The following NAV3 variants were observed in gnomAD, a reference collection of about 807,000 sequenced individuals.
NAV3 encodes the protein neuron navigator 3.
Under a neutral mutation model 244.7 loss-of-function variants are expected in NAV3, and 87 were observed. The observed-to-expected ratio is 0.36, with a 90% CI of 0.30 to 0.42. The LOEUF is 0.42. Among genes scored for constraint, NAV3 ranks in the 20% least tolerant of loss-of-function variants. NAV3 has a pLI of 1.00. For synonymous variants in NAV3, 1,126 were observed against 1,042.2 expected, an observed-to-expected ratio of 1.08 and a Z score of -1.55; for missense variants, 2,663 against 2,893.3, an observed-to-expected ratio of 0.92 and a Z score of 1.83.
chr12:78,092,060 A>C (rs1261226892), intron 12 of NAV3, among the ~76,000 whole-genome samples: 1 of 152,174 alleles, frequency 6.6e-6, no homozygotes, highest in African/African-American at 2.4e-5. Flanking sequence ...CGGTATTAGC[A>C]CTGAGGACAC....
chr12:78,078,375 C>CTTTTTTTTT (rs71088356), intron 12 of NAV3, among the ~76,000 whole-genome samples: 2 of 67,844 alleles, frequency 2.9e-5, no homozygotes, highest in African/African-American at 1.2e-4. Flanking sequence ...TCTTTCCACT[C>CTTTTTTTTT]TTTTTTTTTT....
intron 12 of NAV3, among the ~76,000 whole-genome samples, chr12:78,064,426 T>TCTGTCTGCCTGCCTGCCTGCCTGC (rs66686266): frequency 5.9e-5 from 8 of 136,292 alleles, no homozygotes; most frequent in African/African-American, 1.9e-4. Context: ...TGTCTGTCTG[T>TCTGTCTGCCTGCCTGCCTGCCTGC]CTGCCTGCCT....
At chr12:77,832,443 G>T (rs554542700) in intron 1 of NAV3, among the ~76,000 whole-genome samples, 1 of 152,024 alleles carries the variant, frequency 6.6e-6, no homozygotes, top group Non-Finnish European at 1.5e-5. Context: ...CTTGATAAGC[G>T]TCACTTTTGT....
At chr12:77,946,460 C>G (rs191615516) in intron 3 of NAV3, among the ~76,000 whole-genome samples, 7 of 152,062 alleles carry the variant, frequency 4.6e-5, no homozygotes, top group Admixed American at 4.6e-4. Context: ...TCATATTTAT[C>G]TTAAGTTTCA....
chr12:77,879,433 C>T (rs1024546482), intron 1 of NAV3, among the ~76,000 whole-genome samples: 1 of 151,928 alleles, frequency 6.6e-6, no homozygotes, highest in Non-Finnish European at 1.5e-5. Context: ...TTTGGGAGGT[C>T]CAGGCAGGTG....
intron 2 of NAV3, 101 bp from the exon 3 acceptor site, chr12:77,940,980 G>T: frequency 1.3e-6 from 1 of 762,458 alleles, no homozygotes; most frequent in Non-Finnish European, 2.2e-6. Flanking sequence ...GAGCATTTTT[G>T]CTTGGTATTT....
At chr12:78,194,769 T>G (rs1340873814) in intron 34 of NAV3, among the ~76,000 whole-genome samples, 3 of 152,034 alleles carry the variant, frequency 2.0e-5, no homozygotes, top group Admixed American at 6.6e-5. Flanking sequence ...TTTTCCTACA[T>G]GGATATCATA....
At chr12:77,858,214 A>G (rs1426929725) in intron 1 of NAV3, among the ~76,000 whole-genome samples, 1 of 152,070 alleles carries the variant, frequency 6.6e-6, no homozygotes, top group Non-Finnish European at 1.5e-5. Context: ...GTAAAGTACA[A>G]TATTTAAAAC....
At position 78,051,141 on chromosome 12, in the gene NAV3, A is replaced by C. The variant is rs755066867; in HGVS notation, c.2510A>C (p.Asn837Thr). 2 of 1,602,868 alleles carry C rather than the reference A, an allele frequency of 1.2e-6. No individual in the cohort carries two copies. The highest frequency in any genetic ancestry group is 2.2e-5 in the East Asian group (1 of 44,604). ...AAAAGTCTCAGGACTGATGACATCAACAGTGGGTAAGTAACCCTGTTCTCC... is the reference window on the plus strand; with the variant it reads ...AAAAGTCTCAGGACTGATGACATCACCAGTGGGTAAGTAACCCTGTTCTCC... Reference protein sequence around the residue: ...LGKSLRTDDINSGYMTDGGLN... With the variant: ...LGKSLRTDDITSGYMTDGGLN... The change falls in exon 11 of 40, where the codon AAC becomes ACC. Residue 837 changes from asparagine (N) to threonine (T), a missense_variant. Coordinates refer to ENST00000397909, the MANE Select transcript of NAV3 (RefSeq NM_001024383.2).
At chr12:77,994,374 G>T (rs1425402011) in intron 5 of NAV3, among the ~76,000 whole-genome samples, 2 of 152,204 alleles carry the variant, frequency 1.3e-5, no homozygotes, top group Non-Finnish European at 2.9e-5. Flanking sequence ...GTTTACTAAA[G>T]GAACTAATGA....
chr12:78,117,358 CAT>C (rs907172013), intron 13 of NAV3, among the ~76,000 whole-genome samples: 15 of 16,812 alleles, frequency 8.9e-4, no homozygotes, highest in African/African-American at 1.9e-3. Context: ...AAATATATAA[CAT>C]ATAATAGATA....
intron 7 of NAV3, among the ~76,000 whole-genome samples, chr12:77,999,912 T>A (rs994986133): frequency 6.6e-6 from 1 of 152,140 alleles, no homozygotes; most frequent in African/African-American, 2.4e-5. Context: ...GAAATAAAGA[T>A]GTGTTAAATA....
intron 3 of NAV3, among the ~76,000 whole-genome samples, chr12:77,952,637 A>G (rs1891008678): frequency 6.6e-6 from 1 of 152,138 alleles, no homozygotes; most frequent in Non-Finnish European, 1.5e-5. Context: ...GTTGATATCC[A>G]CAAAATAACT....
At chr12:78,171,735 A>C (rs1958008281) in intron 24 of NAV3, among the ~76,000 whole-genome samples, 1 of 151,502 alleles carries the variant, frequency 6.6e-6, no homozygotes, top group Admixed American at 6.6e-5. Flanking sequence ...ATGGCATATA[A>C]ATTTATACTG....
intron 11 of NAV3, among the ~76,000 whole-genome samples, chr12:78,054,135 A>G (rs1280557390): frequency 6.6e-6 from 1 of 152,248 alleles, no homozygotes. Flanking sequence ...AGCAGTGAAT[A>G]AGAAAAAGAA....
At chr12:77,696,930 A>G (rs1387863723) in intron 2 of NAV3, among the ~76,000 whole-genome samples, 1 of 152,170 alleles carries the variant, frequency 6.6e-6, no homozygotes, top group Non-Finnish European at 1.5e-5. Context: ...ACGCTTCTAT[A>G]GCAGTACCTG....
At chr12:77,949,844 G>A (rs1593088363) in intron 3 of NAV3, among the ~76,000 whole-genome samples, 1 of 151,902 alleles carries the variant, frequency 6.6e-6, no homozygotes, top group East Asian at 1.9e-4. Flanking sequence ...CCAACCCCTG[G>A]GAACCAGTGA....
chr12:77,711,947 C>T (rs1876138437), intron 2 of NAV3, among the ~76,000 whole-genome samples: 1 of 152,146 alleles, frequency 6.6e-6, no homozygotes, highest in African/African-American at 2.4e-5. Context: ...TTCCAATGAA[C>T]TCACTATGCT....
intron 23 of NAV3, among the ~76,000 whole-genome samples, chr12:78,167,448 G>A (rs968988049): frequency 1.3e-4 from 20 of 151,270 alleles, no homozygotes; most frequent in Non-Finnish European, 2.4e-4. Flanking sequence ...TCAGGTATCC[G>A]ATGAAAATAG....
Sources: gnomAD v4.1 joint callset for allele counts (sites outside exome capture counted in the v4.1 genomes callset) on GRCh38, gnomAD v4.1.1 for gene constraint, MANE v1.5 for transcripts, NCBI Gene and HGNC (gene_info 2026-07-23, HGNC 2026-07-21) for gene names.